The following DIAPH2 variants were observed in gnomAD, a reference collection of about 807,000 sequenced individuals.
DIAPH2 encodes diaphanous related formin 2.
Under a neutral mutation model 92.7 loss-of-function variants are expected in DIAPH2, and 35 were observed. That is an observed-to-expected ratio of 0.38 (90% CI 0.29 to 0.50). The LOEUF (loss-of-function observed/expected upper bound fraction) is 0.50. Ranked by LOEUF, DIAPH2 falls within the 20% of genes least tolerant of loss-of-function variation. DIAPH2 has a pLI of 0.94. For synonymous variants in DIAPH2, 301 were observed against 280.4 expected (o/e 1.07, Z -0.73); for missense variants, 701 against 819.5 (o/e 0.86, Z 1.77).
rs1264807762 is a variant in DIAPH2, at chrX:97,076,774, G to A, written c.2247+1513G>A. Among the ~76,000 whole-genome samples the A allele has an allele frequency of 9.0e-5, 10 of 111,351 alleles. No homozygotes were observed. The East Asian group carries it at 2.6e-3, about 28-fold the overall frequency. On this transcript the variant is annotated intron_variant, in intron 19 of 26. Transcript: ENST00000324765. ...TGATTTTTAAAAATAGGACTCAGGT[G>A]TAATAAGATGACCTATGTCATCTCT...
At chrX:97,267,393 A>G (rs565866326) in intron 23 of DIAPH2, among the ~76,000 whole-genome samples, 2 of 111,774 alleles carry the variant, frequency 1.8e-5, no homozygotes, top group African/African-American at 6.5e-5. Flanking sequence ...CTTTTAAAAA[A>G]CATTAGCTTA....
chrX:96,736,110 A>G (rs986074745), intron 2 of DIAPH2, among the ~76,000 whole-genome samples: 1 of 111,598 alleles, frequency 9.0e-6, no homozygotes, highest in Middle Eastern at 4.6e-3. Context: ...TGTATTAAAC[A>G]TTAATATTGG....
intron 22 of DIAPH2, among the ~76,000 whole-genome samples, chrX:97,160,320 A>G (rs2067359343): frequency 8.9e-6 from 1 of 112,094 alleles, no homozygotes; most frequent in Admixed American, 9.5e-5. Flanking sequence ...TATCTATAGA[A>G]CCGGAAGAGA....
At chrX:97,009,063 C>T (rs746054797) in intron 17 of DIAPH2, among the ~76,000 whole-genome samples, 17 of 110,723 alleles carry the variant, frequency 1.5e-4, no homozygotes, top group Non-Finnish European at 2.6e-4. Flanking sequence ...ATCTGGGACC[C>T]AGGGCCTGGA....
chrX:97,192,564 A>G (rs1409048618), intron 22 of DIAPH2, among the ~76,000 whole-genome samples: 1 of 111,528 alleles, frequency 9.0e-6, no homozygotes, highest in East Asian at 2.8e-4. Flanking sequence ...CAGCCTGTAA[A>G]TGATAATTTA....
chrX:96,745,778 G>A (rs1377978751), intron 3 of DIAPH2, among the ~76,000 whole-genome samples: 1 of 112,025 alleles, frequency 8.9e-6, no homozygotes, highest in Non-Finnish European at 1.9e-5. Context: ...ATTGACTCTG[G>A]CATCTATTCT....
intron 1 of DIAPH2, among the ~76,000 whole-genome samples, chrX:96,710,017 A>T (rs1288647011): frequency 8.9e-6 from 1 of 112,018 alleles, no homozygotes; most frequent in Non-Finnish European, 1.9e-5. Flanking sequence ...CCTTGCCATT[A>T]AAGATTTTTT....
intron 20 of DIAPH2, among the ~76,000 whole-genome samples, chrX:97,103,818 G>A (rs1027951713): frequency 2.7e-5 from 3 of 111,685 alleles, no homozygotes; most frequent in Non-Finnish European, 3.8e-5. Flanking sequence ...TCTGGCACCT[G>A]CCCACCTCTC....
At chrX:97,295,715 A>T (rs1467181900) in intron 23 of DIAPH2, among the ~76,000 whole-genome samples, 1 of 105,539 alleles carries the variant, frequency 9.5e-6, no homozygotes, top group Non-Finnish European at 2.0e-5. Context: ...TGCTAAATTA[A>T]TACATGCTGT....
At chrX:96,776,399 C>T (rs774777779) in intron 4 of DIAPH2, among the ~76,000 whole-genome samples, 54 of 109,352 alleles carry the variant, frequency 4.9e-4, no homozygotes, top group African/African-American at 1.8e-3. Flanking sequence ...TTAGTAGAGA[C>T]GGGGTTTCAC....
At chrX:97,441,188 G>A (rs1198608240) in intron 26 of DIAPH2, among the ~76,000 whole-genome samples, 3 of 111,164 alleles carry the variant, frequency 2.7e-5, no homozygotes, top group East Asian at 5.7e-4. Context: ...GGCTGAGGCC[G>A]ACAGATCACC....
chrX:96,744,506 T>A (rs781203768), intron 3 of DIAPH2, among the ~76,000 whole-genome samples: 17 of 112,313 alleles, frequency 1.5e-4, no homozygotes, highest in African/African-American at 4.8e-4. Context: ...TACATTTTCC[T>A]TGCACACATA....
In DIAPH2 at chrX:97,111,506, T is replaced by C. The variant is rs537442881; in HGVS notation, c.2350-3220T>C. 2.7e-5 allele frequency among the ~76,000 whole-genome samples: 3 copies of C among 112,123 alleles called. No homozygotes were observed. In the South Asian group the frequency reaches 1.1e-3, roughly 42 times the overall value. ...AATTAGCACATCCTTCTACCTTCAT[T>C]ATTGCCGGCAGACTTCAAACTTTGG... On this transcript the variant is annotated intron_variant, in intron 20 of 26. Coordinates refer to ENST00000324765, the MANE Select transcript of DIAPH2 (RefSeq NM_006729.5).
intron 5 of DIAPH2, among the ~76,000 whole-genome samples, chrX:96,887,432 G>A (rs755660406): frequency 9.0e-6 from 1 of 110,987 alleles, no homozygotes; most frequent in Non-Finnish European, 1.9e-5. Context: ...GACTATTTTG[G>A]GCAGGGACAT....
chrX:96,783,428 C>T (rs769513497), intron 4 of DIAPH2, among the ~76,000 whole-genome samples: 1 of 112,307 alleles, frequency 8.9e-6, no homozygotes, highest in African/African-American at 3.2e-5. Context: ...GTGGTAACAT[C>T]GATGGCTTGT....
intron 4 of DIAPH2, among the ~76,000 whole-genome samples, chrX:96,836,756 C>T (rs1275416502): frequency 1.6e-5 from 1 of 61,913 alleles, no homozygotes; most frequent in Non-Finnish European, 2.7e-5. Flanking sequence ...GAGACGGAGT[C>T]TCGCTCTGTC....
At position 96,735,748 on chromosome X, in the gene DIAPH2, GT is replaced by G; in HGVS notation, c.133-6del. The G allele has an allele frequency of 9.5e-7, 1 of 1,054,052 alleles. No individual in the cohort carries two copies. Among genetic ancestry groups the G allele is most frequent in the Non-Finnish European group, 1.3e-6 (1 of 776,854 alleles). The allele number at this position is 1,054,052 out of a possible 1,213,427, so 86.9% of individuals were successfully genotyped here. A position where few individuals can be genotyped will look rare whatever the true frequency, so the allele number is the denominator to read the frequency against. On this transcript the variant is annotated splice_polypyrimidine_tract_variant and intron_variant, in intron 1 of 26. Transcript: ENST00000324765. ...GGTTTTTTTTGTTTGTTTCTTTTTG[GT>G]TTTAATAGAACATTCAAATAAAAAC...
chrX:96,959,247 C>G (rs777852799), intron 16 of DIAPH2, among the ~76,000 whole-genome samples: 15 of 111,577 alleles, frequency 1.3e-4, no homozygotes, highest in Non-Finnish European at 2.1e-4. Flanking sequence ...TTCCTAATAA[C>G]AGTATATGAA....
At chrX:97,540,948 T>C (rs2071135475) in intron 26 of DIAPH2, among the ~76,000 whole-genome samples, 1 of 112,025 alleles carries the variant, frequency 8.9e-6, no homozygotes, top group African/African-American at 3.2e-5. Flanking sequence ...TACAACTACA[T>C]TGAGCTTACT....
Sources: allele counts gnomAD v4.1 joint callset (sites outside exome capture counted in the v4.1 genomes callset), GRCh38; gene constraint gnomAD v4.1.1; transcripts MANE v1.5; gene names NCBI Gene and HGNC (gene_info 2026-07-23, HGNC 2026-07-21).